PHF24: variants seen among roughly 807,000 people sequenced by gnomAD.
The protein encoded by PHF24 is Galpha inhibitory interacting protein.
Under a neutral mutation model 42.6 loss-of-function variants are expected in PHF24, and 25 were observed. The observed-to-expected ratio is 0.59, with a 90% CI of 0.43 to 0.82. The LOEUF (loss-of-function observed/expected upper bound fraction) is 0.82. Among genes scored for constraint, PHF24 ranks in the 40% least tolerant of loss-of-function variants. PHF24 has a pLI of 0.00. For synonymous variants in PHF24, 185 were observed against 204.8 expected (o/e 0.90, Z 0.83); for missense variants, 470 against 538.1 (o/e 0.87, Z 1.25).
At chr9:34,981,445 G>C (rs1311994758) in exon 8 of PHF24, 1 of 152,374 alleles carries the variant, frequency 6.6e-6, no homozygotes, top group Non-Finnish European at 1.5e-5. Flanking sequence ...GCTTCAGTCA[G>C]AGTGGTGCCA....
At chr9:34,687,382 G>A in the PHF24 span, among the ~76,000 whole-genome samples, 1 of 152,174 alleles carries the variant, frequency 6.6e-6, no homozygotes, top group Non-Finnish European at 1.5e-5. Context: ...AGATTCAGGA[G>A]CCAAGTCTTT....
chr9:34,770,838 G>A, the PHF24 span, among the ~76,000 whole-genome samples: 1 of 152,128 alleles, frequency 6.6e-6, no homozygotes, highest in Non-Finnish European at 1.5e-5. Flanking sequence ...TTGTGGCCGG[G>A]CATGGTGGCT....
chr9:34,690,079 A>G, the PHF24 span: 2 of 1,592,016 alleles, frequency 1.3e-6, no homozygotes, highest in East Asian at 2.2e-5. Flanking sequence ...CCTGGGGACC[A>G]TGTCTGGGAA....
the PHF24 span, among the ~76,000 whole-genome samples, chr9:34,945,265 C>CCTATT: frequency 6.6e-6 from 1 of 152,174 alleles, no homozygotes; most frequent in African/African-American, 2.4e-5. Context: ...CCATCTTATA[C>CCTATT]CTATTTTCTT....
At chr9:34,892,694 G>A in the PHF24 span, 26 of 459,050 alleles carry the variant, frequency 5.7e-5, no homozygotes, top group Admixed American at 1.8e-4. Context: ...GTTGTTTTTC[G>A]TCCTCTCCTG....
chr9:34,897,678 A>T, the PHF24 span, among the ~76,000 whole-genome samples: 1 of 152,152 alleles, frequency 6.6e-6, no homozygotes, highest in African/African-American at 2.4e-5. Context: ...TTCTCTTTTA[A>T]TTTTTTTATT....
the PHF24 span, among the ~76,000 whole-genome samples, chr9:34,786,552 A>G: frequency 6.6e-6 from 1 of 152,216 alleles, no homozygotes; most frequent in Non-Finnish European, 1.5e-5. Context: ...ATTGGTCTAT[A>G]ACATTATAAA....
the PHF24 span, among the ~76,000 whole-genome samples, chr9:34,897,200 C>G: frequency 6.6e-6 from 1 of 152,118 alleles, no homozygotes; most frequent in East Asian, 1.9e-4. Flanking sequence ...TTGATCCTTC[C>G]TCCAGCATTA....
the PHF24 span, among the ~76,000 whole-genome samples, chr9:34,701,814 G>A: frequency 2.4e-4 from 36 of 152,116 alleles, no homozygotes; most frequent in Non-Finnish European, 4.3e-4. The surrounding 1 kb of genome is among the most constrained non-coding windows in gnomAD (Gnocchi z 5.8). Context: ...CCGGTGGCCG[G>A]GGGAAGGCCC....
the PHF24 span, among the ~76,000 whole-genome samples, chr9:34,773,613 C>T: frequency 4.6e-5 from 7 of 152,022 alleles, no homozygotes; most frequent in Non-Finnish European, 8.8e-5. Context: ...AACAAATAAA[C>T]GGGGAGAATA....
At chr9:34,922,420 G>T in the PHF24 span, 3 of 1,356,844 alleles carry the variant, frequency 2.2e-6, no homozygotes, top group South Asian at 1.2e-5. Context: ...GCCAGACCCA[G>T]TCTGATAGGA....
the PHF24 span, among the ~76,000 whole-genome samples, chr9:34,904,316 A>G: frequency 1.3e-5 from 2 of 152,166 alleles, no homozygotes; most frequent in African/African-American, 4.8e-5. Flanking sequence ...CTCAGAGGGA[A>G]TACTTTCAAC....
intron 1 of PHF24, among the ~76,000 whole-genome samples, chr9:34,963,564 C>T (rs1319503756): frequency 6.6e-6 from 1 of 152,200 alleles, no homozygotes; most frequent in Non-Finnish European, 1.5e-5. Context: ...CATTTTCACA[C>T]TTTCTACTTG....
the PHF24 span, chr9:34,690,003 C>T: frequency 1.2e-4 from 200 of 1,613,850 alleles, no homozygotes; most frequent in Admixed American, 6.5e-4. Context: ...ACAGAGCTGG[C>T]GGCCCCTCAG....
the PHF24 span, among the ~76,000 whole-genome samples, chr9:34,697,565 C>T: frequency 1.3e-5 from 2 of 152,216 alleles, no homozygotes; most frequent in African/African-American, 4.8e-5. Flanking sequence ...GCCGATCCAC[C>T]TGCCTCGGCC....
the PHF24 span, chr9:34,709,605 T>C: frequency 2.0e-5 from 33 of 1,614,062 alleles, no homozygotes; most frequent in Admixed American, 6.7e-5. Flanking sequence ...CTTGTCCAGA[T>C]GCTGCATCAG....
At chr9:34,795,343 T>C in the PHF24 span, among the ~76,000 whole-genome samples, 3 of 152,082 alleles carry the variant, frequency 2.0e-5, no homozygotes, top group African/African-American at 7.2e-5. Flanking sequence ...CCCAGAATTC[T>C]ATAACTAGTG....
chr9:34,826,430 G>A, the PHF24 span, among the ~76,000 whole-genome samples: 1 of 152,222 alleles, frequency 6.6e-6, no homozygotes, highest in African/African-American at 2.4e-5. Context: ...TTCGGCCCTG[G>A]TTGTCTGGTT....
the PHF24 span, among the ~76,000 whole-genome samples, chr9:34,821,875 C>T: frequency 2.6e-5 from 4 of 152,172 alleles, no homozygotes; most frequent in South Asian, 8.3e-4. Context: ...GATTTCTTAA[C>T]CAGCTCTCAT....
Sources: allele counts gnomAD v4.1 joint callset (sites outside exome capture counted in the v4.1 genomes callset), GRCh38; gene constraint gnomAD v4.1.1; non-coding constraint Gnocchi (gnomAD v3.1); transcripts MANE v1.5; gene names NCBI Gene and HGNC (gene_info 2026-07-23, HGNC 2026-07-21).